Variants in MRPL45 observed in about 807,000 individuals in gnomAD.
MRPL45 encodes the protein mitochondrial ribosomal protein L45, also known as large ribosomal subunit protein mL45.
A neutral mutation model predicts 38.1 loss-of-function variants in MRPL45; 20 were observed. The ratio of observed to expected loss-of-function variants is 0.53; its 90% CI spans 0.37 to 0.76. The LOEUF is 0.76. MRPL45 is among the 30% of genes least tolerant of loss of function. The probability of loss-of-function intolerance (pLI) is 0.00; values close to 1 mark genes in which losing one functional copy is unlikely to be tolerated. For synonymous variants in MRPL45, 105 were observed against 128.8 expected, an observed-to-expected ratio of 0.82 and a Z score of 1.25; for missense variants, 337 against 395.6, an observed-to-expected ratio of 0.85 and a Z score of 1.26.
Position 38,322,239 on chromosome 17 carries a change from C to G in MRPL45, c.774C>G (p.Ser258Arg). Residue 258 changes from serine (S) to arginine (R), a missense_variant, in exon 7 of 8, where the codon AGC becomes AGG. Ser to Arg is a moderately radical substitution (Grantham distance 110). Transcript: ENST00000613675. ...FEKQLTNPYG[S>R]WRMHTKIVPP... ...AGCAGTTGACAAACCCCTATGGAAG[C>G]TGGAGAATGCATACCAAGATCGTTC... is the stretch of plus-strand genomic sequence containing the variant. The G allele has an allele frequency of 1.2e-6, 2 of 1,614,080 alleles. No homozygotes were observed. Among genetic ancestry groups the G allele is most frequent in the South Asian group, 1.1e-5 (1 of 91,080 alleles).
At chr17:38,302,367 A>G (rs2037005585) in intron 3 of MRPL45, among the ~76,000 whole-genome samples, 1 of 149,810 alleles carries the variant, frequency 6.7e-6, no homozygotes, top group Non-Finnish European at 1.5e-5. Context: ...CATACCTGTA[A>G]TCTCAGCTAC....
chr17:38,307,948 C>A (rs1469445978), intron 4 of MRPL45, among the ~76,000 whole-genome samples: 2 of 151,864 alleles, frequency 1.3e-5, no homozygotes, highest in Non-Finnish European at 2.9e-5. Flanking sequence ...TTCTGTTGCC[C>A]AGGCTGGAGG....
chr17:38,308,960 G>C (rs2037081100), intron 4 of MRPL45, among the ~76,000 whole-genome samples: 1 of 151,106 alleles, frequency 6.6e-6, no homozygotes, highest in South Asian at 2.1e-4. Context: ...AGGCTGGAGT[G>C]CAGTAGCGCA....
rs543071231 is a variant in MRPL45 at position 38,315,594 on chromosome 17, T to G, written c.462-3093T>G. On this transcript the variant is annotated intron_variant, in intron 4 of 7. Coordinates refer to ENST00000613675, the MANE Select transcript of MRPL45 (RefSeq NM_032351.6). ...TATTGCCACTTTCAAGATTCATTCT[T>G]TGTGTTTGGGTTTTGACACTTTGGT... Among the ~76,000 whole-genome samples, 4 of 152,222 alleles carry G rather than the reference T, an allele frequency of 2.6e-5. No homozygotes were observed. In the South Asian group the frequency reaches 8.3e-4, roughly 32 times the overall value.
chr17:38,307,338 CT>C (rs74774617), intron 4 of MRPL45, among the ~76,000 whole-genome samples: 122 of 144,882 alleles, frequency 8.4e-4, no homozygotes, highest in Non-Finnish European at 9.3e-4. Context: ...GCCCGGCCCC[CT>C]TTTTTTTTTT....
intron 1 of MRPL45, among the ~76,000 whole-genome samples, chr17:38,297,538 A>G (rs2036949048): frequency 6.6e-6 from 1 of 152,114 alleles, no homozygotes; most frequent in African/African-American, 2.4e-5. Flanking sequence ...ATGGGTTGGA[A>G]GGTGGACTCC....
chr17:38,321,548 G>A (rs1461324492), intron 6 of MRPL45, among the ~76,000 whole-genome samples: 1 of 152,000 alleles, frequency 6.6e-6, no homozygotes, highest in Non-Finnish European at 1.5e-5. Context: ...AAAATTGGCC[G>A]GGCATCATGG....
intron 4 of MRPL45, among the ~76,000 whole-genome samples, chr17:38,317,803 G>A (rs1468515226): frequency 1.3e-5 from 2 of 151,582 alleles, no homozygotes; most frequent in African/African-American, 2.4e-5. Context: ...TCGATCTCCT[G>A]ACCTCATGAT....
In MRPL45 at chr17:38,318,669, TA is replaced by T. The variant is rs762748554; in HGVS notation, c.462-17del. The stretch of plus-strand genomic sequence containing the variant: ...TATAAGAGCAATAGTCAATGATATT[TA>T]TTGCTTTCTTTTCTAGCTCAGACCA... On this transcript the variant is annotated splice_polypyrimidine_tract_variant and intron_variant, in intron 4 of 7. Coordinates refer to ENST00000613675, the MANE Select transcript of MRPL45 (RefSeq NM_032351.6). 6.3e-7 allele frequency: 1 copy of T among 1,585,712 alleles called. No individual in the cohort carries two copies. The highest frequency in any genetic ancestry group is 1.1e-5 in the South Asian group (1 of 90,464).
intron 5 of MRPL45, among the ~76,000 whole-genome samples, chr17:38,320,266 C>T (rs540258918): frequency 2.0e-5 from 3 of 152,074 alleles, no homozygotes; most frequent in Non-Finnish European, 2.9e-5. Flanking sequence ...ATGCAGTCAA[C>T]ACAAGTACAT....
At chr17:38,299,215 A>G (rs1248334643) in intron 2 of MRPL45, 136 bp from the exon 3 acceptor site, 10 of 627,898 alleles carry the variant, frequency 1.6e-5, no homozygotes, top group Non-Finnish European at 2.4e-5. Context: ...AGTGTAACAT[A>G]GTTCTCTCTA....
Position 38,313,386 on chromosome 17 carries a change from A to G in MRPL45, c.462-5301A>G, listed in dbSNP as rs1291232856. 8.4e-4 allele frequency among the ~76,000 whole-genome samples: 59 copies of G among 69,860 alleles called. 1 individual carries two copies. The highest frequency in any genetic ancestry group is 1.4e-3 in the African/African-American group (21 of 14,908). 45.8% of individuals were successfully genotyped at this position (69,860 alleles called of 152,430 possible). ...TATATACGTATATATATATATATAC[A>G]TATATATATATATATATGAGAGATG... On this transcript the variant is annotated intron_variant, in intron 4 of 7. Coordinates refer to ENST00000613675, the MANE Select transcript of MRPL45 (RefSeq NM_032351.6).
intron 5 of MRPL45, 109 bp from the exon 6 acceptor site, chr17:38,320,509 C>A: frequency 1.7e-6 from 2 of 1,146,276 alleles, no homozygotes; most frequent in Non-Finnish European, 2.5e-6. Flanking sequence ...TGGTGGGAAA[C>A]GTGCTGCCTG....
At chr17:38,304,938 C>T (rs577769388) in intron 3 of MRPL45, among the ~76,000 whole-genome samples, 1 of 150,904 alleles carries the variant, frequency 6.6e-6, no homozygotes, top group Non-Finnish European at 1.5e-5. Flanking sequence ...CCTCTGCCTC[C>T]TGGGTTCAAG....
chr17:38,303,392 G>T (rs2037019095), intron 3 of MRPL45, among the ~76,000 whole-genome samples: 1 of 149,378 alleles, frequency 6.7e-6, no homozygotes. Flanking sequence ...CTGCCTCCTG[G>T]GTTCAAGCAA....
At chr17:38,310,816 G>A (rs140280314) in intron 4 of MRPL45, among the ~76,000 whole-genome samples, 2,105 of 151,650 alleles carry the variant, frequency 0.014, 50 homozygotes, top group African/African-American at 0.048. Context: ...TAGAGACAGG[G>A]TCTTGCTATG....
intron 4 of MRPL45, among the ~76,000 whole-genome samples, chr17:38,309,377 A>C (rs1179501646): frequency 6.6e-6 from 1 of 151,366 alleles, no homozygotes; most frequent in Non-Finnish European, 1.5e-5. Context: ...AAAATTAGCC[A>C]GGTGTGGTGG....
chr17:38,314,284 A>G (rs1336938044), intron 4 of MRPL45, among the ~76,000 whole-genome samples: 2 of 152,062 alleles, frequency 1.3e-5, no homozygotes, highest in East Asian at 1.9e-4. Context: ...TTGTATTTTT[A>G]GTAGAGACAG....
At chr17:38,322,430 G>A (rs1365745580) in intron 7 of MRPL45, 79 bp from the exon 8 acceptor site, 3 of 1,075,024 alleles carry the variant, frequency 2.8e-6, no homozygotes, top group Non-Finnish European at 4.1e-6. Context: ...GTGGGTGGGT[G>A]GGTGGGAGCA....
Sources: gnomAD v4.1 joint callset for allele counts (sites outside exome capture counted in the v4.1 genomes callset) on GRCh38, gnomAD v4.1.1 for gene constraint, MANE v1.5 for transcripts, NCBI Gene and HGNC (gene_info 2026-07-23, HGNC 2026-07-21) for gene names.